Variants in CES5A observed in about 807,000 individuals in gnomAD.
CES5A encodes the protein carboxylesterase 5.
In CES5A, 67 loss-of-function variants were observed where a neutral mutation model predicts 62.9. The ratio of observed to expected loss-of-function variants is 1.07; its 90% CI spans 0.88 to 1.31. CES5A has a LOEUF of 1.31. CES5A is among the 50% of genes most tolerant of loss of function. The pLI is 0.00. For synonymous variants in CES5A, 296 were observed against 280.8 expected (o/e 1.05, Z -0.54); for missense variants, 748 against 708.5 (o/e 1.06, Z -0.63).
At chr16:55,867,994 CA>C (rs2033498988) in intron 4 of CES5A, among the ~76,000 whole-genome samples, 1 of 152,290 alleles carries the variant, frequency 6.6e-6, no homozygotes, top group African/African-American at 2.4e-5. Flanking sequence ...CACTCTGCTC[CA>C]GAGTGAGGTT....
chr16:55,954,521 C>T (rs2142490921), intron 1 of CES5A, among the ~76,000 whole-genome samples: 1 of 152,342 alleles, frequency 6.6e-6, no homozygotes, highest in South Asian at 2.1e-4. Flanking sequence ...TTTTAAACCA[C>T]TTTTAACACA....
chr16:55,851,946 T>A (rs1265591902), intron 10 of CES5A, among the ~76,000 whole-genome samples: 1 of 152,140 alleles, frequency 6.6e-6, no homozygotes, highest in Non-Finnish European at 1.5e-5. Context: ...AAAGGACAAA[T>A]ATTGAATGAT....
chr16:55,877,697 C>T (rs542485216), upstream of CES5A, among the ~76,000 whole-genome samples: 1 of 152,084 alleles, frequency 6.6e-6, no homozygotes, highest in Non-Finnish European at 1.5e-5. Flanking sequence ...TTATAGGATG[C>T]CTTACAGGTA....
rs1045856274 is a variant in CES5A at position 55,904,731 on chromosome 16, A to G, written c.-256+20592T>C. On this transcript the variant is annotated intron_variant, in intron 1 of 12. Transcript: ENST00000518005. ...ATAGTAGCACAGCTAATAAGTGACA[A>G]AGTAAATCGTAAGTGGAGGAAATAG... 1.8e-4 allele frequency among the ~76,000 whole-genome samples: 27 copies of G among 152,212 alleles called. 1 individual carries two copies. The highest frequency in any genetic ancestry group is 4.6e-4 in the Admixed American group (7 of 15,284).
chr16:55,916,635 A>C (rs74019330), intron 1 of CES5A, among the ~76,000 whole-genome samples: 2,819 of 152,260 alleles, frequency 0.019, 85 homozygotes, highest in African/African-American at 0.063. Flanking sequence ...AAGTTCCCTA[A>C]CACCACCCTC....
intron 1 of CES5A, among the ~76,000 whole-genome samples, chr16:55,883,774 C>T (rs1446285814): frequency 1.3e-5 from 2 of 152,172 alleles, no homozygotes. Flanking sequence ...ATTCATTCTC[C>T]AGGGAATCCT....
rs577143992 is a variant in CES5A, at chr16:55,945,473, T to C, written c.160+4312A>G. Among the ~76,000 whole-genome samples the C allele has an allele frequency of 3.3e-5, 5 of 152,320 alleles. No individual in the cohort carries two copies. In the East Asian group the frequency reaches 9.6e-4, roughly 29 times the overall value. Reference sequence around the variant, plus strand: ...GCAGACCTGCAGACTATACGGCCAGTCCCAGCAGCACAGCTGCAAATTGGG... The same window carrying C: ...GCAGACCTGCAGACTATACGGCCAGCCCCAGCAGCACAGCTGCAAATTGGG... On this transcript the variant is annotated intron_variant, in intron 2 of 13. Coordinates refer to the CES5A transcript ENST00000521992.
chr16:55,942,245 C>T (rs575538230), intron 2 of CES5A, among the ~76,000 whole-genome samples: 2 of 152,118 alleles, frequency 1.3e-5, no homozygotes, highest in South Asian at 2.1e-4. Context: ...TTTAAAATCC[C>T]TACTTATGAA....
chr16:55,874,720 A>C (rs1414847568), intron 1 of CES5A, among the ~76,000 whole-genome samples: 2 of 152,226 alleles, frequency 1.3e-5, no homozygotes. Context: ...CAGGGGTCTC[A>C]GTCACCACAC....
chr16:55,866,360 C>T (rs1414637875), intron 4 of CES5A, among the ~76,000 whole-genome samples: 1 of 152,116 alleles, frequency 6.6e-6, no homozygotes, highest in Non-Finnish European at 1.5e-5. Flanking sequence ...GCTGCAATTT[C>T]AAGTATTCAC....
upstream of CES5A, among the ~76,000 whole-genome samples, chr16:55,927,744 A>G (rs1253971184): frequency 6.6e-6 from 1 of 152,318 alleles, no homozygotes; most frequent in South Asian, 2.1e-4. Context: ...TAGATCTACC[A>G]TTTGATCCAG....
chr16:55,849,532 A>G (rs2033084168), intron 11 of CES5A, 92 bp downstream of exon 11: 15 of 1,400,632 alleles, frequency 1.1e-5, no homozygotes, highest in Non-Finnish European at 1.4e-5. Context: ...AGAGGTAATT[A>G]AATGCCAACC....
intron 1 of CES5A, among the ~76,000 whole-genome samples, chr16:55,897,027 C>A (rs892575059): frequency 6.6e-6 from 1 of 152,056 alleles, no homozygotes; most frequent in Admixed American, 6.6e-5. Flanking sequence ...TATTTCTGCA[C>A]CCCTAAACTA....
intron 1 of CES5A, among the ~76,000 whole-genome samples, chr16:55,898,109 G>T (rs8053467): frequency 0.22 from 33,189 of 152,194 alleles, 4,557 homozygotes; most frequent in Non-Finnish European, 0.3. Flanking sequence ...TCTCAGTTTT[G>T]ATCTGTGTCA....
chr16:55,895,123 T>C lies in CES5A; in HGVS notation c.-255-21086A>G, dbSNP rs561453457. On this transcript the variant is annotated intron_variant, in intron 1 of 12. Transcript: ENST00000518005. The stretch of plus-strand genomic sequence containing the variant: ...GAAAGTTAAGGCTAAGGCAGAGATG[T>C]AAATTGTCCAGCTCAGTGTTGAAGG... 1.1e-4 allele frequency among the ~76,000 whole-genome samples: 17 copies of C among 152,332 alleles called. No homozygotes were observed. In the East Asian group the frequency reaches 3.3e-3, roughly 29 times the overall value.
intron 1 of CES5A, among the ~76,000 whole-genome samples, chr16:55,883,003 G>A (rs1399840828): frequency 6.6e-6 from 1 of 152,216 alleles, no homozygotes; most frequent in Non-Finnish European, 1.5e-5. Flanking sequence ...ATCCCATGTA[G>A]ATGCGAATTG....
At chr16:55,923,839 C>CA (rs1293609289) in intron 1 of CES5A, among the ~76,000 whole-genome samples, 1 of 151,668 alleles carries the variant, frequency 6.6e-6, no homozygotes, top group Non-Finnish European at 1.5e-5. Context: ...CAATAGATGT[C>CA]AAAAAAGCAT....
chr16:55,950,001 C>A (rs2034537709), intron 1 of CES5A: 1 of 440,062 alleles, frequency 2.3e-6, no homozygotes, highest in Non-Finnish European at 3.6e-6. Context: ...AAGAATATAA[C>A]AACATATAAT....
chr16:55,954,067 A>G (rs2034583924), intron 1 of CES5A, among the ~76,000 whole-genome samples: 1 of 152,112 alleles, frequency 6.6e-6, no homozygotes, highest in South Asian at 2.1e-4. Flanking sequence ...AGCCTCTGGT[A>G]ACCATCATTC....
Sources: allele counts gnomAD v4.1 joint callset (sites outside exome capture counted in the v4.1 genomes callset), GRCh38; gene constraint gnomAD v4.1.1; transcripts MANE v1.5; gene names NCBI Gene and HGNC (gene_info 2026-07-23, HGNC 2026-07-21).